Variants in RIMKLB observed in about 807,000 individuals in gnomAD.
RIMKLB encodes beta-citrylglutamate synthase B.
Under a neutral mutation model 32.0 loss-of-function variants are expected in RIMKLB, and 7 were observed. That is an observed-to-expected ratio of 0.22 (90% confidence interval 0.12 to 0.41). RIMKLB has a LOEUF of 0.41. RIMKLB is among the 10% of genes least tolerant of loss of function. The pLI is 1.00. For missense variants in RIMKLB, 289 were observed against 498.7 expected (o/e 0.58, Z 4.00); for synonymous variants, 172 against 185.1 (o/e 0.93, Z 0.57).
intron 5 of RIMKLB, among the ~76,000 whole-genome samples, chr12:8,756,772 A>T (rs1205432120): frequency 7.1e-6 from 1 of 140,638 alleles, no homozygotes; most frequent in Non-Finnish European, 1.5e-5. Flanking sequence ...GCTCACTGCA[A>T]CCTCTGCCTC....
intron 1 of RIMKLB, among the ~76,000 whole-genome samples, chr12:8,703,246 T>G (rs1380513889): frequency 1.3e-5 from 2 of 151,712 alleles, no homozygotes; most frequent in Non-Finnish European, 2.9e-5. Flanking sequence ...ATCGCACCAC[T>G]GCACTCCAGC....
At chr12:8,716,810 C>A (rs1370051719) in intron 2 of RIMKLB, among the ~76,000 whole-genome samples, 2 of 142,830 alleles carry the variant, frequency 1.4e-5, no homozygotes, top group Non-Finnish European at 3.0e-5. Flanking sequence ...GATCTTAGCT[C>A]ACTGCAGCCT....
chr12:8,728,180 A>G (rs962382981), intron 2 of RIMKLB, among the ~76,000 whole-genome samples: 3 of 152,172 alleles, frequency 2.0e-5, no homozygotes, highest in African/African-American at 7.2e-5. Context: ...TCTTTAGCCT[A>G]TAAATCACAG....
chr12:8,707,930 T>C (rs754475487), intron 1 of RIMKLB, among the ~76,000 whole-genome samples: 225 of 152,338 alleles, frequency 1.5e-3, no homozygotes, highest in African/African-American at 5.3e-3. Context: ...AGTATTATTA[T>C]TTTTTATCCT....
At chr12:8,724,057 A>C (rs979989694) in intron 2 of RIMKLB, among the ~76,000 whole-genome samples, 1 of 151,924 alleles carries the variant, frequency 6.6e-6, no homozygotes, top group Non-Finnish European at 1.5e-5. Context: ...GGGCTTAAGC[A>C]ATCTGCCCAC....
chr12:8,778,795 C>T (rs1565439982), downstream of RIMKLB, among the ~76,000 whole-genome samples: 1 of 152,180 alleles, frequency 6.6e-6, no homozygotes, highest in Non-Finnish European at 1.5e-5. Context: ...TAGACTTCTG[C>T]ATAATTTCAT....
At chr12:8,738,012 C>T (rs1947177552) in intron 2 of RIMKLB, among the ~76,000 whole-genome samples, 1 of 152,158 alleles carries the variant, frequency 6.6e-6, no homozygotes, top group Admixed American at 6.5e-5. Context: ...CTGCGCCTGG[C>T]CCATGAATTT....
At chr12:8,703,436 C>G (rs1197244132) in intron 1 of RIMKLB, among the ~76,000 whole-genome samples, 2 of 152,154 alleles carry the variant, frequency 1.3e-5, no homozygotes, top group Non-Finnish European at 2.9e-5. Flanking sequence ...CAAGCGAACC[C>G]CCTGCCTCAG....
chr12:8,683,902 C>A (rs191233583), intron 1 of RIMKLB, among the ~76,000 whole-genome samples: 370 of 152,204 alleles, frequency 2.4e-3, no homozygotes, highest in Non-Finnish European at 4.0e-3. Context: ...CGCCTGCCAC[C>A]ACACCCAGCT....
upstream of RIMKLB, among the ~76,000 whole-genome samples, chr12:8,696,176 C>CTGTG (rs1491582272): frequency 1.3e-5 from 2 of 152,026 alleles, no homozygotes; most frequent in South Asian, 2.1e-4. Flanking sequence ...ATTTTTTTCC[C>CTGTG]TGTGTCAATT....
chr12:8,750,583 CT>C (rs1948535175), intron 3 of RIMKLB, among the ~76,000 whole-genome samples: 1 of 151,028 alleles, frequency 6.6e-6, no homozygotes, highest in Admixed American at 6.6e-5. Flanking sequence ...GAAAGTAACA[CT>C]TTAGTAGGTG....
In RIMKLB at chr12:8,775,802, A is replaced by G; in HGVS notation, c.*2018A>G. On this transcript the variant is annotated 3_prime_UTR_variant, in exon 6 of 6. Coordinates refer to ENST00000535829, the MANE Select transcript of RIMKLB (RefSeq NM_001297776.2). ...CTCATTTCACCTCAGAGAAAAGGAT[A>G]CATAAGAGGAGTTTGTAATTTATCT... 1.0e-6 allele frequency: 1 copy of G among 985,266 alleles called. No individual in the cohort carries two copies. The highest frequency in any genetic ancestry group is 1.7e-5 in the African/African-American group (1 of 57,368). 61.0% of individuals were successfully genotyped at this position (985,266 alleles called of 1,614,324 possible).
Position 8,770,058 on chromosome 12 carries a change from C to T in RIMKLB, c.698-3263C>T, listed in dbSNP as rs985511081. 6.8e-4 allele frequency among the ~76,000 whole-genome samples: 103 copies of T among 152,036 alleles called. 1 individual carries two copies. Among genetic ancestry groups the T allele is most frequent in the African/African-American group, 2.2e-3 (92 of 41,460 alleles). On this transcript the variant is annotated intron_variant, in intron 5 of 5. Coordinates refer to ENST00000535829, the MANE Select transcript of RIMKLB (RefSeq NM_001297776.2). ...CATGATCTCAGCTCACTGCAACCCCCGCTTCCCGGGTTAAAGTGATTCTCC... is the reference window on the plus strand; with the variant it reads ...CATGATCTCAGCTCACTGCAACCCCTGCTTCCCGGGTTAAAGTGATTCTCC...
chr12:8,698,196 C>A lies in RIMKLB; in HGVS notation c.-158C>A. On this transcript the variant is annotated 5_prime_UTR_variant, in exon 1 of 6. Coordinates refer to ENST00000535829, the MANE Select transcript of RIMKLB (RefSeq NM_001297776.2). ...CCCGGTATCCCGACCCCCTCCCCCT[C>A]CTCTCCTTCCCCCACTTCCAGCCGC... The A allele has an allele frequency of 2.8e-6, 1 of 362,750 alleles. No homozygotes were observed. Among genetic ancestry groups the A allele is most frequent in the South Asian group, 1.8e-5 (1 of 54,914 alleles). 22.5% of individuals were successfully genotyped at this position (362,750 alleles called of 1,614,324 possible).
intron 2 of RIMKLB, among the ~76,000 whole-genome samples, chr12:8,733,272 T>C (rs992530048): frequency 6.6e-6 from 1 of 152,006 alleles, no homozygotes; most frequent in African/African-American, 2.4e-5. Context: ...ATTATACATA[T>C]TTTATTTAGA....
At chr12:8,757,861 T>C (rs1435138017) in intron 5 of RIMKLB, among the ~76,000 whole-genome samples, 1 of 152,204 alleles carries the variant, frequency 6.6e-6, no homozygotes, top group Non-Finnish European at 1.5e-5. Context: ...CCTTAGAATT[T>C]CTCCTCATTG....
At chr12:8,715,164 G>C (rs11046896) in intron 2 of RIMKLB, among the ~76,000 whole-genome samples, 1 of 150,344 alleles carries the variant, frequency 6.7e-6, no homozygotes, top group East Asian at 1.9e-4. Context: ...CAGTACTTTT[G>C]ATCAGTTATT....
upstream of RIMKLB, among the ~76,000 whole-genome samples, chr12:8,678,151 T>C (rs1421851055): frequency 6.6e-6 from 1 of 151,352 alleles, no homozygotes; most frequent in Admixed American, 6.6e-5. Context: ...CAGAAGTCTT[T>C]CTTATTTTTC....
At chr12:8,681,144 G>A (rs113434586), upstream of RIMKLB, among the ~76,000 whole-genome samples, 4,567 of 152,034 alleles carry the variant, frequency 0.03, 226 homozygotes, top group African/African-American at 0.1. Context: ...TAGAGATGGG[G>A]TTTCACCATA....
Sources: allele counts gnomAD v4.1 joint callset (sites outside exome capture counted in the v4.1 genomes callset), GRCh38; gene constraint gnomAD v4.1.1; transcripts MANE v1.5; gene names NCBI Gene and HGNC (gene_info 2026-07-23, HGNC 2026-07-21).